WT1: variants seen among roughly 807,000 people sequenced by gnomAD.
The protein encoded by WT1 is WT1 transcription factor, also known as Wilms tumor protein.
In WT1, 8 loss-of-function variants were observed where a neutral mutation model predicts 60.8. That is an observed-to-expected ratio of 0.13 (90% CI 0.08 to 0.24). The LOEUF (loss-of-function observed/expected upper bound fraction) is 0.24, where lower values mean the gene tolerates loss of function less well. Ranked by LOEUF, WT1 falls within the 10% of genes least tolerant of loss-of-function variation. WT1 has a pLI of 1.00. For missense variants in WT1, 568 were observed against 711.8 expected (o/e 0.80, Z 2.30); for synonymous variants, 312 against 297.1 (o/e 1.05, Z -0.52).
At chr11:32,400,275 C>T (rs1379170033) in intron 5 of WT1, 10 of 605,036 alleles carry the variant, frequency 1.7e-5, no homozygotes, top group African/African-American at 3.6e-5. Flanking sequence ...TTCTCGTAGG[C>T]GTGCACCGTC....
rs1034924030 is a variant in WT1, at chr11:32,430,823, G to A, written c.662-2204C>T. On this transcript the variant is annotated intron_variant, in intron 1 of 9. Transcript: ENST00000452863. Reference sequence around the variant, plus strand: ...GGGCAGTGGTGAAAGCGCCTGCGGAGCGGAGGGAGGTCTCTTTTAATTAGA... The same window carrying A: ...GGGCAGTGGTGAAAGCGCCTGCGGAACGGAGGGAGGTCTCTTTTAATTAGA... The A allele has an allele frequency of 1.0e-5, 13 of 1,288,348 alleles. No homozygotes were observed. In the African/African-American group the frequency reaches 1.2e-4, roughly 12 times the overall value. 79.8% of individuals were successfully genotyped at this position (1,288,348 alleles called of 1,614,324 possible).
chr11:32,433,777 G>A (rs1590407106), intron 1 of WT1, among the ~76,000 whole-genome samples: 1 of 152,224 alleles, frequency 6.6e-6, no homozygotes, highest in African/African-American at 2.4e-5. Flanking sequence ...GATACTTATC[G>A]TGTGCCGAGT....
At chr11:32,413,182 T>G (rs960386603) in intron 5 of WT1, among the ~76,000 whole-genome samples, 4 of 152,208 alleles carry the variant, frequency 2.6e-5, no homozygotes, top group Non-Finnish European at 4.4e-5. Flanking sequence ...GCCTCTTTTT[T>G]ATGAGTGATA....
At chr11:32,428,879 G>T (rs908052739) in intron 1 of WT1, 4 of 558,868 alleles carry the variant, frequency 7.2e-6, no homozygotes, top group East Asian at 3.2e-5. Flanking sequence ...TATTTATGCC[G>T]CAGTCTTCTA....
chr11:32,418,864 T>C (rs181403797), intron 3 of WT1, among the ~76,000 whole-genome samples: 1 of 152,338 alleles, frequency 6.6e-6, no homozygotes, highest in Admixed American at 6.5e-5. Flanking sequence ...CTGAAAATTA[T>C]TTGGAACTCC....
chr11:32,430,813 C>T, intron 1 of WT1: 3 of 1,292,740 alleles, frequency 2.3e-6, no homozygotes, highest in South Asian at 2.9e-5. Flanking sequence ...GTGGTGAAAG[C>T]GCCTGCGGAG....
intron 3 of WT1, 76 bp from the exon 4 acceptor site, chr11:32,417,730 G>T: frequency 1.5e-6 from 2 of 1,327,172 alleles, no homozygotes; most frequent in Non-Finnish European, 2.2e-6. Flanking sequence ...AAGCAATGGA[G>T]TTTTAACTTT....
At chr11:32,389,619 C>G (rs1221923957) in intron 9 of WT1, among the ~76,000 whole-genome samples, 1 of 152,176 alleles carries the variant, frequency 6.6e-6, no homozygotes, top group Non-Finnish European at 1.5e-5. Context: ...TGAGTGATCA[C>G]TGTCCAGGGA....
rs1056503917 is a variant in WT1, at chr11:32,435,256, C to A, written c.105G>T (p.Gln35His). The change falls in exon 1 of 10, where the codon CAG (glutamine) becomes CAT (histidine). Residue 35 changes from glutamine (Q) to histidine (H), a missense_variant. By Grantham distance (24) the Gln-to-His change is conservative. Coordinates refer to ENST00000452863, the MANE Select transcript of WT1 (RefSeq NM_024426.6). ...TGCCGCCCGGGTCCCGGACTCCCTG[C>A]TGCTCTGGCTGCTGTAGGCACCCAG... 1.3e-6 allele frequency: 2 copies of A among 1,535,454 alleles called. No homozygotes were observed. The highest frequency in any genetic ancestry group is 1.4e-5 in the African/African-American group (1 of 73,200).
intron 4 of WT1, chr11:32,417,306 C>A (rs1852705647): frequency 4.3e-6 from 2 of 467,094 alleles, no homozygotes; most frequent in South Asian, 2.6e-5. Flanking sequence ...GTTGAATAGC[C>A]TTTGAAGAAT....
Position 32,434,985 on chromosome 11 carries a change from C to A in WT1, c.376G>T (p.Gly126Cys), listed in dbSNP as rs1853454814. Residue 126 changes from glycine to cysteine, a missense_variant, in exon 1 of 10, where the codon GGC becomes TGC. By Grantham distance (159) the Gly-to-Cys change is radical (BLOSUM62 -3). Transcript: ENST00000452863. ...GGCGGAGCCGGTGGCGGCGCGGGGC[C>A]GCCCAACGACCCGTAAGCCGAAGCG... 6.6e-7 allele frequency: 1 copy of A among 1,513,794 alleles called. No individual in the cohort carries two copies. Among genetic ancestry groups the A allele is most frequent in the Non-Finnish European group, 8.8e-7 (1 of 1,138,498 alleles). 93.8% of individuals were successfully genotyped at this position (1,513,794 alleles called of 1,614,324 possible). A position where few individuals can be genotyped will look rare whatever the true frequency, so the allele number is the denominator to read the frequency against.
At position 32,430,004 on chromosome 11, in the gene WT1, A is replaced by G. The variant is rs112234558; in HGVS notation, c.662-1385T>C. On this transcript the variant is annotated intron_variant, in intron 1 of 9. Coordinates refer to ENST00000452863, the MANE Select transcript of WT1 (RefSeq NM_024426.6). Reference sequence around the variant, plus strand: ...AAAAAAAAAAAAAGAAAAAGAAAAAAAAAAAGCTTCTCTGGGGCAACAGAG... The same window carrying G: ...AAAAAAAAAAAAAGAAAAAGAAAAAGAAAAAGCTTCTCTGGGGCAACAGAG... Among the ~76,000 whole-genome samples the G allele has an allele frequency of 5.8e-3, 875 of 151,378 alleles. 10 individuals carry two copies. Among genetic ancestry groups the G allele is most frequent in the African/African-American group, 0.02 (823 of 41,092 alleles).
chr11:32,414,449 AT>A (rs1564985405), intron 5 of WT1, among the ~76,000 whole-genome samples: 1 of 151,990 alleles, frequency 6.6e-6, no homozygotes, highest in Non-Finnish European at 1.5e-5. Context: ...ATTTTTTTGT[AT>A]TTTTTGTAGA....
chr11:32,406,925 C>T (rs897884713), intron 5 of WT1, among the ~76,000 whole-genome samples: 2 of 151,956 alleles, frequency 1.3e-5, no homozygotes, highest in African/African-American at 2.4e-5. Flanking sequence ...ATGGTGAAAC[C>T]CCATCTCTAC....
chr11:32,402,547 C>T (rs994835555), intron 5 of WT1, among the ~76,000 whole-genome samples: 2 of 152,200 alleles, frequency 1.3e-5, no homozygotes, highest in African/African-American at 2.4e-5. Context: ...GTGACTTACA[C>T]ATTTTCTTTC....
At chr11:32,391,855 C>A in intron 9 of WT1, 117 bp downstream of exon 9, 1 of 1,038,480 alleles carries the variant, frequency 9.6e-7, no homozygotes, top group Non-Finnish European at 1.5e-6. Context: ...CTTCTCTCAA[C>A]TGAGTCTAAA....
At chr11:32,428,475 C>T in intron 2 of WT1, 22 bp downstream of exon 2, 1 of 1,613,902 alleles carries the variant, frequency 6.2e-7, no homozygotes. Context: ...GAGAAGGACT[C>T]CACTTGGTTC....
intron 5 of WT1, among the ~76,000 whole-genome samples, chr11:32,410,412 A>C (rs1852459926): frequency 6.6e-6 from 1 of 152,162 alleles, no homozygotes; most frequent in African/African-American, 2.4e-5. Context: ...AACTCCATGA[A>C]AGCATGATCT....
At chr11:32,416,747 G>T (rs1852686717) in intron 4 of WT1, among the ~76,000 whole-genome samples, 1 of 152,206 alleles carries the variant, frequency 6.6e-6, no homozygotes, top group South Asian at 2.1e-4. Flanking sequence ...TTGGGCTTTG[G>T]AATCAGATCT....
Sources: gnomAD v4.1 joint callset for allele counts (sites outside exome capture counted in the v4.1 genomes callset) on GRCh38, gnomAD v4.1.1 for gene constraint, MANE v1.5 for transcripts, NCBI Gene and HGNC (gene_info 2026-07-23, HGNC 2026-07-21) for gene names.